The following HPS1 variants were observed in gnomAD, a reference collection of about 807,000 sequenced individuals.
HPS1 encodes HPS1 biogenesis of lysosomal organelles complex 3 subunit 1, also known as BLOC-3 complex member HPS1.
A neutral mutation model predicts 90.6 loss-of-function variants in HPS1; 59 were observed. That is an observed-to-expected ratio of 0.65 (90% CI 0.53 to 0.81). The LOEUF is 0.81. Ranked by LOEUF, HPS1 falls within the 30% of genes least tolerant of loss-of-function variation. The pLI is 0.00. For synonymous variants in HPS1, 388 were observed against 384.4 expected, an observed-to-expected ratio of 1.01 and a Z score of -0.11; for missense variants, 849 against 896.7, an observed-to-expected ratio of 0.95 and a Z score of 0.68.
intron 5 of HPS1, 83 bp from the exon 6 acceptor site, chr10:98,434,174 C>T: frequency 7.1e-7 from 1 of 1,411,876 alleles, no homozygotes; most frequent in South Asian, 1.3e-5. Context: ...ACAGTCTCAG[C>T]TCAGCATCAG....
intron 2 of HPS1, 29 bp from the exon 3 acceptor site, chr10:98,443,269 G>C: frequency 5.8e-6 from 9 of 1,544,920 alleles, no homozygotes; most frequent in Non-Finnish European, 8.1e-6. Context: ...GTCAAGGTCA[G>C]CCTCCAGCCC....
intron 18 of HPS1, among the ~76,000 whole-genome samples, chr10:98,418,617 C>T (rs1844435909): frequency 6.6e-6 from 1 of 152,216 alleles, no homozygotes; most frequent in Non-Finnish European, 1.5e-5. Context: ...TTGGGAATTC[C>T]CAGGGTGGGA....
At chr10:98,437,131 C>T (rs1187613545) in intron 3 of HPS1, among the ~76,000 whole-genome samples, 1 of 152,072 alleles carries the variant, frequency 6.6e-6, no homozygotes, top group African/African-American at 2.4e-5. Context: ...TACTTATTTG[C>T]CATCTGGTTC....
At chr10:98,420,410 A>T in intron 17 of HPS1, 2 of 446,980 alleles carry the variant, frequency 4.5e-6, no homozygotes, top group South Asian at 4.0e-5. Context: ...TACTATACAC[A>T]TATGCCATAA....
chr10:98,446,860 G>A lies in HPS1; in HGVS notation c.-159C>T, dbSNP rs1021323898. 6.6e-6 allele frequency: 1 copy of A among 152,264 alleles called. No homozygotes were observed. The highest frequency in any genetic ancestry group is 2.4e-5 in the African/African-American group (1 of 41,458). 9.4% of individuals were successfully genotyped at this position (152,264 alleles called of 1,614,324 possible). A position where few individuals can be genotyped will look rare whatever the true frequency, so the allele number is the denominator to read the frequency against. On this transcript the variant is annotated 5_prime_UTR_variant, in exon 1 of 20. Coordinates refer to ENST00000361490, the MANE Select transcript of HPS1 (RefSeq NM_000195.5). The stretch of plus-strand genomic sequence containing the variant: ...TCCGGAGGGAGGATCGCCGCCCCCA[G>A]AGGGGACAGCCCGGAGGCCCACGTA...
chr10:98,428,880 CG>C (rs1845969704), intron 10 of HPS1, among the ~76,000 whole-genome samples: 1 of 150,224 alleles, frequency 6.7e-6, no homozygotes, highest in South Asian at 2.1e-4. Flanking sequence ...CTTGCTCTGT[CG>C]CCCAGGCTGG....
chr10:98,436,118 G>C (rs544113667), intron 3 of HPS1, among the ~76,000 whole-genome samples: 1 of 152,280 alleles, frequency 6.6e-6, no homozygotes, highest in East Asian at 1.9e-4. Flanking sequence ...GCTGTTTTTT[G>C]CAATAAGTCT....
chr10:98,437,712 G>A (rs997563009), intron 3 of HPS1, among the ~76,000 whole-genome samples: 92 of 152,302 alleles, frequency 6.0e-4, no homozygotes, highest in African/African-American at 2.1e-3. Flanking sequence ...CTAATGATGA[G>A]TTTGTTATTA....
Position 98,431,211 on chromosome 10 carries a change from G to A in HPS1, c.588C>T (p.Asn196=), listed in dbSNP as rs184035986. The A allele has an allele frequency of 8.1e-6, 13 of 1,614,074 alleles. No individual in the cohort carries two copies. The highest frequency in any genetic ancestry group is 2.2e-5 in the South Asian group (2 of 91,086). ...CCTCGCCTCCCCGCTCGGGGCTGGT[G>A]TTGACAGCCTGGATGACGTGCCGCT... is the stretch of plus-strand genomic sequence containing the variant. ...ALERHVIQAV[N]TSPERGGEEA... Residue 196 remains asparagine, a synonymous_variant, in exon 7 of 20, where the codon AAC becomes AAT. Coordinates refer to ENST00000361490, the MANE Select transcript of HPS1 (RefSeq NM_000195.5).
In HPS1 at chr10:98,435,664, T is replaced by G; in HGVS notation, c.226A>C (p.Asn76His). The change falls in exon 4 of 20, where the codon AAT becomes CAT. Residue 76 changes from asparagine (N) to histidine (H), a missense_variant. By Grantham distance (68) the Asn-to-His change is moderately conservative (BLOSUM62 1). Coordinates refer to ENST00000361490, the MANE Select transcript of HPS1 (RefSeq NM_000195.5). The surrounding 1 kb of genome is among the most constrained non-coding windows in gnomAD (Gnocchi z 4.3). ...TGAAGGACATACAGGAAGTTGCCAT[T>G]TTCCGTGGAGAAGCAGGTGTAGGTG... Reference protein sequence around the residue: ...SDTYTCFSTENGNFLYVLHLF... With the variant: ...SDTYTCFSTEHGNFLYVLHLF... 6.2e-7 allele frequency: 1 copy of G among 1,614,112 alleles called. No individual in the cohort carries two copies. The highest frequency in any genetic ancestry group is 8.5e-7 in the Non-Finnish European group (1 of 1,180,006).
intron 6 of HPS1, 75 bp from the exon 7 acceptor site, chr10:98,431,366 G>C: frequency 6.8e-7 from 1 of 1,475,118 alleles, no homozygotes; most frequent in South Asian, 1.2e-5. Context: ...GGCTAGTGGG[G>C]ACATTCACTC....
chr10:98,430,558 G>C lies in HPS1; in HGVS notation c.768+13C>G. On this transcript the variant is annotated intron_variant, in intron 8 of 19. Coordinates refer to ENST00000361490, the MANE Select transcript of HPS1 (RefSeq NM_000195.5). ...CTAATGGCCTCCCTCTGCCCAGAAA[G>C]CTGCCCTGAGACCTGAATGTCGTCC... 1.3e-6 allele frequency: 2 copies of C among 1,549,060 alleles called. No homozygotes were observed. Among genetic ancestry groups the C allele is most frequent in the South Asian group, 2.4e-5 (2 of 84,004 alleles).
In HPS1 at chr10:98,425,862, A is replaced by C. The variant is rs1262123138; in HGVS notation, c.1111T>G (p.Cys371Gly). 2.5e-6 allele frequency: 4 copies of C among 1,614,122 alleles called. No homozygotes were observed. Among genetic ancestry groups the C allele is most frequent in the Non-Finnish European group, 3.4e-6 (4 of 1,180,010 alleles). The part of the protein sequence containing the change: ...YCPLVPHTMY[C>G]LPLWQGINLV... ...TTGATGCCCTGCCACAGGGGCAGGC[A>C]GTACATGGTGTGGGGCACTAGGGGG... Residue 371 changes from cysteine to glycine, a missense_variant, in exon 12 of 20, where the codon TGC becomes GGC. Transcript: ENST00000361490.
At position 98,435,235 on chromosome 10, in the gene HPS1, C is replaced by T. The variant is rs371484095; in HGVS notation, c.398+37G>A. ...CGCTGCCTGGCCCAGCGAGGGTGCT[C>T]GGCAAAGGACAGAGGGGACCAGCTT... On this transcript the variant is annotated intron_variant, in intron 5 of 19. Transcript: ENST00000361490. This position sits in a 1 kb window ranked among gnomAD's most constrained non-coding sequence, Gnocchi z 4.3. 5.6e-5 allele frequency: 91 copies of T among 1,613,308 alleles called. 1 individual carries two copies. The African/African-American group carries it at 9.5e-4, about 17-fold the overall frequency.
intron 3 of HPS1, among the ~76,000 whole-genome samples, chr10:98,439,056 A>C (rs567282008): frequency 2.6e-5 from 4 of 152,324 alleles, no homozygotes; most frequent in African/African-American, 7.2e-5. Flanking sequence ...GGTGCACATA[A>C]ATCAAAAACT....
chr10:98,415,302 G>T, downstream of HPS1: 3 of 952,662 alleles, frequency 3.1e-6, no homozygotes, highest in Non-Finnish European at 4.5e-6. Context: ...GCCTCCTGCT[G>T]CCCTGGGGCT....
chr10:98,438,383 A>G (rs1304500585), intron 3 of HPS1, among the ~76,000 whole-genome samples: 1 of 152,210 alleles, frequency 6.6e-6, no homozygotes, highest in African/African-American at 2.4e-5. Flanking sequence ...GATATGGACA[A>G]TGAAGTCCAG....
At chr10:98,430,893 G>C (rs1255886222) in intron 7 of HPS1, among the ~76,000 whole-genome samples, 3 of 152,216 alleles carry the variant, frequency 2.0e-5, no homozygotes, top group Non-Finnish European at 4.4e-5. Flanking sequence ...AAGCACCAGG[G>C]ACCAAGAACA....
Position 98,435,418 on chromosome 10 carries a change from C to G in HPS1, c.256-4G>C. On this transcript the variant is annotated splice_region_variant and splice_polypyrimidine_tract_variant and intron_variant, in intron 4 of 19. Coordinates refer to ENST00000361490, the MANE Select transcript of HPS1 (RefSeq NM_000195.5). The surrounding 1 kb of genome is among the most constrained non-coding windows in gnomAD (Gnocchi z 4.3). ...CAATGAACAGGCATTCTCCAAACTG[C>G]AGGCACAGGCAGGCCAGTGTCAGCC... The G allele has an allele frequency of 6.2e-7, 1 of 1,613,730 alleles. No homozygotes were observed. The highest frequency in any genetic ancestry group is 8.5e-7 in the Non-Finnish European group (1 of 1,180,022).
Sources: gnomAD v4.1 joint callset for allele counts (sites outside exome capture counted in the v4.1 genomes callset) on GRCh38, gnomAD v4.1.1 for gene constraint, Gnocchi (gnomAD v3.1) non-coding constraint, MANE v1.5 for transcripts, NCBI Gene and HGNC (gene_info 2026-07-23, HGNC 2026-07-21) for gene names.